RWDD4: variants seen among roughly 807,000 people sequenced by gnomAD.
The protein encoded by RWDD4 is RWD domain-containing protein 4.
RWDD4 carries 16 observed loss-of-function variants against 30.0 expected under a neutral mutation model. The observed-to-expected ratio is 0.53, with a 90% CI of 0.36 to 0.81. RWDD4 has a LOEUF of 0.81. RWDD4 is among the 30% of genes least tolerant of loss of function. The pLI is 0.00. For synonymous variants in RWDD4, 45 were observed against 72.1 expected (o/e 0.62, Z 1.90); for missense variants, 170 against 223.9 (o/e 0.76, Z 1.54).
chr4:183,652,586 T>G (rs536832437), intron 2 of RWDD4, among the ~76,000 whole-genome samples: 2 of 151,472 alleles, frequency 1.3e-5, no homozygotes, highest in Admixed American at 6.6e-5. Flanking sequence ...CCAAGGCGGG[T>G]AGATCATGAG....
At chr4:183,649,217 C>G (rs1579126886) in intron 5 of RWDD4, among the ~76,000 whole-genome samples, 1 of 152,114 alleles carries the variant, frequency 6.6e-6, no homozygotes, top group Non-Finnish European at 1.5e-5. Flanking sequence ...AGTTCGAGAC[C>G]AGCCTGGCCA....
intron 7 of RWDD4, among the ~76,000 whole-genome samples, chr4:183,641,901 CAATA>C (rs1413707188): frequency 6.6e-6 from 1 of 152,050 alleles, no homozygotes; most frequent in Non-Finnish European, 1.5e-5. Context: ...CTTAACCAGA[CAATA>C]AATTCTTATA....
chr4:183,642,346 C>T (rs1228329905), intron 7 of RWDD4, among the ~76,000 whole-genome samples: 3 of 111,796 alleles, frequency 2.7e-5, no homozygotes, highest in African/African-American at 9.0e-5. Flanking sequence ...CCCGCTACCA[C>T]GCCCGGCTAA....
intron 1 of RWDD4, among the ~76,000 whole-genome samples, chr4:183,656,621 A>G (rs901828506): frequency 1.3e-5 from 2 of 152,232 alleles, no homozygotes; most frequent in African/African-American, 4.8e-5. Context: ...AAAAGAAGTA[A>G]AGCAAGACTG....
chr4:183,646,062 C>T (rs1297428948), intron 7 of RWDD4, among the ~76,000 whole-genome samples: 1 of 152,098 alleles, frequency 6.6e-6, no homozygotes, highest in African/African-American at 2.4e-5. Flanking sequence ...CGCCACCATG[C>T]CCAGCTCATT....
intron 7 of RWDD4, among the ~76,000 whole-genome samples, chr4:183,643,671 CT>C (rs1268134209): frequency 6.6e-6 from 1 of 152,018 alleles, no homozygotes; most frequent in Non-Finnish European, 1.5e-5. Flanking sequence ...AATCCCAGCA[CT>C]TTGGGAGGCC....
chr4:183,641,711 C>T (rs552996642), intron 7 of RWDD4, among the ~76,000 whole-genome samples: 1 of 152,088 alleles, frequency 6.6e-6, no homozygotes, highest in African/African-American at 2.4e-5. Flanking sequence ...GAGCGGGACA[C>T]TCTTGAAGCT....
At chr4:183,657,112 T>C (rs1044886904) in intron 1 of RWDD4, among the ~76,000 whole-genome samples, 14 of 152,118 alleles carry the variant, frequency 9.2e-5, no homozygotes, top group African/African-American at 3.4e-4. Flanking sequence ...CCCTAAGACC[T>C]AGTAAGTATA....
chr4:183,650,843 G>A, intron 4 of RWDD4, 141 bp downstream of exon 4: 1 of 690,782 alleles, frequency 1.4e-6, no homozygotes, highest in Non-Finnish European at 2.3e-6. Flanking sequence ...GAAATCCATT[G>A]TTCTCATTTA....
Position 183,646,529 on chromosome 4 carries a change from C to T in RWDD4, c.490G>A (p.Gly164Arg). 1 of 1,611,242 alleles carries T rather than the reference C, an allele frequency of 6.2e-7. No individual in the cohort carries two copies. Among genetic ancestry groups the T allele is most frequent in the Non-Finnish European group, 8.5e-7 (1 of 1,179,392 alleles). ...RKLADKTDHK[G>R]ELPRGWNWVD... The stretch of plus-strand genomic sequence containing the variant: ...CAGTTCCAGCCTCGAGGAAGTTCTC[C>T]TTTGTGATCTAGAAGATAAAAAATA... Residue 164 changes from glycine to arginine, a missense_variant, in exon 6 of 8, where the codon GGA becomes AGA. Coordinates refer to ENST00000326397, the MANE Select transcript of RWDD4 (RefSeq NM_152682.4).
chr4:183,655,605 A>G (rs1734178020), intron 2 of RWDD4, among the ~76,000 whole-genome samples: 1 of 152,162 alleles, frequency 6.6e-6, no homozygotes, highest in Non-Finnish European at 1.5e-5. Context: ...ATTTTATGTT[A>G]AAGATAAGAT....
chr4:183,652,971 G>A (rs1021361265), intron 2 of RWDD4, among the ~76,000 whole-genome samples: 2 of 152,094 alleles, frequency 1.3e-5, no homozygotes, highest in African/African-American at 4.8e-5. Flanking sequence ...TGATCTTCCT[G>A]CCTCAGCCTC....
chr4:183,643,439 A>AAAAAAAAAAAAAAAAAAC (rs1733907832), intron 7 of RWDD4, among the ~76,000 whole-genome samples: 1 of 144,000 alleles, frequency 6.9e-6, no homozygotes, highest in Non-Finnish European at 1.5e-5. Context: ...AAAAAAAAAA[A>AAAAAAAAAAAAAAAAAAC]AAAAAAAAGC....
chr4:183,648,133 A>G (rs1733998125), intron 5 of RWDD4, among the ~76,000 whole-genome samples: 1 of 151,732 alleles, frequency 6.6e-6, no homozygotes, highest in Non-Finnish European at 1.5e-5. Flanking sequence ...AGTCTCAGCT[A>G]CTCGGGAGGC....
chr4:183,658,214 A>G (rs770504885), intron 1 of RWDD4, among the ~76,000 whole-genome samples: 4 of 152,190 alleles, frequency 2.6e-5, no homozygotes, highest in Non-Finnish European at 5.9e-5. Context: ...GAACTTATCT[A>G]CCACCCAATA....
rs34290833 is a variant in RWDD4, at chr4:183,641,331, G to A, written c.*105C>T. ...TAATGTAAGAAACATACAAAAAATT[G>A]TGTTTTATAAAAAGTCGCCTCAATA... On this transcript the variant is annotated 3_prime_UTR_variant, in exon 8 of 8. Coordinates refer to ENST00000326397, the MANE Select transcript of RWDD4 (RefSeq NM_152682.4). 1 of 859,976 alleles carries A rather than the reference G, an allele frequency of 1.2e-6. No homozygotes were observed. The allele number at this position is 859,976 out of a possible 1,614,324, so 53.3% of individuals were successfully genotyped here.
intron 2 of RWDD4, among the ~76,000 whole-genome samples, chr4:183,654,414 C>G (rs1285215164): frequency 2.0e-5 from 3 of 152,150 alleles, no homozygotes; most frequent in Non-Finnish European, 4.4e-5. Context: ...CCAGACTATT[C>G]CGTGCAAGAA....
At chr4:183,643,415 C>CAAAAAAAAAAAAAAAAAAAAAAAAAAACA (rs1733905003) in intron 7 of RWDD4, among the ~76,000 whole-genome samples, 1 of 22,652 alleles carries the variant, frequency 4.4e-5, no homozygotes, top group Non-Finnish European at 7.7e-5. Context: ...GACTCTATCT[C>CAAAAAAAAAAAAAAAAAAAAAAAAAAACA]AAAAAAAAAA....
rs752439717 is a variant in RWDD4 at position 183,646,535 on chromosome 4, G to A, written c.484C>T (p.His162Tyr). The change falls in exon 6 of 8, where the codon CAC becomes TAC. Residue 162 changes from histidine to tyrosine, a missense_variant and splice_region_variant. Physicochemically the swap from His to Tyr is moderately conservative, Grantham distance 83. Coordinates refer to ENST00000326397, the MANE Select transcript of RWDD4 (RefSeq NM_152682.4). The part of the protein sequence containing the change: ...QKRKLADKTD[H>Y]KGELPRGWNW... Reference sequence around the variant, plus strand: ...CAGCCTCGAGGAAGTTCTCCTTTGTGATCTAGAAGATAAAAAATAGTAACT... The same window carrying A: ...CAGCCTCGAGGAAGTTCTCCTTTGTAATCTAGAAGATAAAAAATAGTAACT... 6.2e-7 allele frequency: 1 copy of A among 1,608,556 alleles called. No homozygotes were observed. Among genetic ancestry groups the A allele is most frequent in the South Asian group, 1.1e-5 (1 of 89,642 alleles).
Sources: gnomAD v4.1 joint callset for allele counts (sites outside exome capture counted in the v4.1 genomes callset) on GRCh38, gnomAD v4.1.1 for gene constraint, MANE v1.5 for transcripts, NCBI Gene and HGNC (gene_info 2026-07-23, HGNC 2026-07-21) for gene names.